The following MAML1 variants were observed in gnomAD, a reference collection of about 807,000 sequenced individuals.
MAML1 encodes the protein mastermind like transcriptional coactivator 1, also known as mastermind-like protein 1.
Under a neutral mutation model 77.1 loss-of-function variants are expected in MAML1, and 14 were observed. The ratio of observed to expected loss-of-function variants is 0.18; its 90% CI spans 0.12 to 0.28. The LOEUF is 0.28. MAML1 is among the 10% of genes least tolerant of loss of function. The pLI, the probability that MAML1 is intolerant of heterozygous loss-of-function variation, is 1.00. For synonymous variants in MAML1, 516 were observed against 551.9 expected (o/e 0.93, Z 0.91); for missense variants, 1,217 against 1,327.8 (o/e 0.92, Z 1.30).
chr5:179,745,454 G>A (rs923689738), intron 1 of MAML1, among the ~76,000 whole-genome samples: 5 of 151,136 alleles, frequency 3.3e-5, no homozygotes, highest in South Asian at 2.1e-4. Flanking sequence ...GGTGGCTCAC[G>A]CCTGTAATCC....
chr5:179,740,091 TGTCA>T (rs1240619550), intron 1 of MAML1, among the ~76,000 whole-genome samples: 1 of 152,214 alleles, frequency 6.6e-6, no homozygotes, highest in African/African-American at 2.4e-5. Flanking sequence ...ATTGAGAGGC[TGTCA>T]GTCAGCTGAA....
chr5:179,764,995 A>AATATATATGTGTG, intron 1 of MAML1, among the ~76,000 whole-genome samples: 1 of 147,682 alleles, frequency 6.8e-6, no homozygotes, highest in Admixed American at 6.8e-5. Flanking sequence ...TAATATATAT[A>AATATATATGTGTG]TGTGTGTGTG....
At position 179,776,442 on chromosome 5, in the gene MAML1, G is replaced by T. The variant is rs918094143; in HGVS notation, c.*1565G>T. 4 of 985,774 alleles carry T rather than the reference G, an allele frequency of 4.1e-6. No individual in the cohort carries two copies. In the African/African-American group the frequency reaches 7.0e-5, roughly 17 times the overall value. The allele number at this position is 985,774 out of a possible 1,614,324, so 61.1% of individuals were successfully genotyped here. A position where few individuals can be genotyped will look rare whatever the true frequency, so the allele number is the denominator to read the frequency against. ...CTCACTGGGGGTACTTGGACCCTCA[G>T]ATCTTCTTTTCTAATAGCCATTTGC... is the stretch of plus-strand genomic sequence containing the variant. On this transcript the variant is annotated 3_prime_UTR_variant, in exon 5 of 5. Transcript: ENST00000292599.
At chr5:179,756,646 C>T (rs758293201) in intron 1 of MAML1, among the ~76,000 whole-genome samples, 2 of 151,944 alleles carry the variant, frequency 1.3e-5, no homozygotes, top group Non-Finnish European at 2.9e-5. Context: ...TAAAATGGTG[C>T]AGATATGTGT....
At chr5:179,762,069 T>G (rs572504596) in intron 1 of MAML1, among the ~76,000 whole-genome samples, 3 of 152,270 alleles carry the variant, frequency 2.0e-5, no homozygotes, top group African/African-American at 7.2e-5. Flanking sequence ...TAAGGAGCAC[T>G]CATGAAAGAA....
chr5:179,768,307 A>T (rs1049146878), intron 2 of MAML1, among the ~76,000 whole-genome samples: 1 of 152,172 alleles, frequency 6.6e-6, no homozygotes, highest in African/African-American at 2.4e-5. Context: ...AAAATACAAA[A>T]TTAGCCAGGT....
intron 1 of MAML1, among the ~76,000 whole-genome samples, chr5:179,760,003 C>T (rs987564851): frequency 2.0e-5 from 3 of 151,980 alleles, no homozygotes; most frequent in Admixed American, 6.6e-5. Flanking sequence ...TGTGACAGGG[C>T]GGCTGGTAGT....
intron 1 of MAML1, among the ~76,000 whole-genome samples, chr5:179,744,021 A>G (rs1051644697): frequency 3.3e-5 from 5 of 152,330 alleles, no homozygotes; most frequent in Middle Eastern, 3.4e-3. Context: ...AACTGTTTAA[A>G]GAATGCTTTA....
chr5:179,736,762 G>T (rs983999995), intron 1 of MAML1, among the ~76,000 whole-genome samples: 18 of 151,382 alleles, frequency 1.2e-4, no homozygotes, highest in African/African-American at 4.4e-4. Flanking sequence ...AGGAGTTCGA[G>T]ACCAGCCTGG....
intron 1 of MAML1, among the ~76,000 whole-genome samples, chr5:179,761,661 C>A (rs1779728639): frequency 6.6e-6 from 1 of 152,138 alleles, no homozygotes; most frequent in Admixed American, 6.5e-5. Context: ...CACCATTGCA[C>A]TCCAGCCTGG....
At chr5:179,764,584 C>T (rs575165094) in intron 1 of MAML1, among the ~76,000 whole-genome samples, 9 of 151,880 alleles carry the variant, frequency 5.9e-5, no homozygotes, top group Admixed American at 5.9e-4. Context: ...GGCTTGAACC[C>T]TGGAGGCGGA....
At chr5:179,745,054 A>G (rs1057452152) in intron 1 of MAML1, among the ~76,000 whole-genome samples, 11 of 151,838 alleles carry the variant, frequency 7.2e-5, no homozygotes, top group African/African-American at 2.4e-4. Context: ...GGCTCCTACC[A>G]CCACGCCCAG....
chr5:179,764,957 G>C, intron 1 of MAML1, among the ~76,000 whole-genome samples: 1 of 150,622 alleles, frequency 6.6e-6, no homozygotes, highest in Middle Eastern at 3.2e-3. Context: ...GCAGAGCAAG[G>C]CTCCATCTCA....
Position 179,774,971 on chromosome 5 carries a change from G to T in MAML1, c.*94G>T. The T allele has an allele frequency of 6.7e-7, 1 of 1,502,460 alleles. No individual in the cohort carries two copies. Among genetic ancestry groups the T allele is most frequent in the Non-Finnish European group, 8.8e-7 (1 of 1,133,980 alleles). 93.1% of individuals were successfully genotyped at this position (1,502,460 alleles called of 1,614,324 possible). A position where few individuals can be genotyped will look rare whatever the true frequency, so the allele number is the denominator to read the frequency against. On this transcript the variant is annotated 3_prime_UTR_variant, in exon 5 of 5. Transcript: ENST00000292599. Reference sequence around the variant, plus strand: ...CAACTACTTTGGACCAAAAGCCCATGGCCTGGGGAGCTGGGCAGGTAGAGC... The same window carrying T: ...CAACTACTTTGGACCAAAAGCCCATTGCCTGGGGAGCTGGGCAGGTAGAGC...
chr5:179,753,370 C>T (rs544307470), intron 1 of MAML1, among the ~76,000 whole-genome samples: 13 of 152,242 alleles, frequency 8.5e-5, no homozygotes, highest in Admixed American at 6.5e-4. Context: ...TATTACCCTC[C>T]GTGCTACGTT....
chr5:179,738,369 A>G (rs1779213673), intron 1 of MAML1, among the ~76,000 whole-genome samples: 1 of 152,184 alleles, frequency 6.6e-6, no homozygotes, highest in Admixed American at 6.5e-5. Context: ...ATGAAATAAC[A>G]AATTATTTCC....
Position 179,766,434 on chromosome 5 carries a change from C to T in MAML1, c.1424C>T (p.Pro475Leu), listed in dbSNP as rs753625572. 10 of 1,612,874 alleles carry T rather than the reference C, an allele frequency of 6.2e-6. No homozygotes were observed. Among genetic ancestry groups the T allele is most frequent in the Non-Finnish European group, 8.5e-6 (10 of 1,179,402 alleles). ...LMMPSVNKSS[P>L]RPGGPYLQPS... is the part of the protein sequence containing the mutation. The stretch of plus-strand genomic sequence containing the variant: ...ATGCCTAGTGTGAATAAGAGTTCCC[C>T]TCGGCCCGGAGGCCCCTACCTCCAG... Residue 475 changes from proline to leucine, a missense_variant, in exon 2 of 5, where the codon CCT becomes CTT. Coordinates refer to ENST00000292599, the MANE Select transcript of MAML1 (RefSeq NM_014757.5). This position sits in a 1 kb window ranked among gnomAD's most constrained non-coding sequence, Gnocchi z 4.0.
At position 179,767,068 on chromosome 5, in the gene MAML1, C is replaced by T. The variant is rs556305331; in HGVS notation, c.1731+327C>T. Among the ~76,000 whole-genome samples the T allele has an allele frequency of 9.6e-5, 14 of 146,438 alleles. No homozygotes were observed. In the East Asian group the frequency reaches 1.6e-3, roughly 17 times the overall value. ...GACTGTGTTTTGCAGATAAACATTACGTTTCACGTGCTTCTTAGAGGCTTG... is the reference window on the plus strand; with the variant it reads ...GACTGTGTTTTGCAGATAAACATTATGTTTCACGTGCTTCTTAGAGGCTTG... On this transcript the variant is annotated intron_variant, in intron 2 of 4. Coordinates refer to ENST00000292599, the MANE Select transcript of MAML1 (RefSeq NM_014757.5).
intron 1 of MAML1, among the ~76,000 whole-genome samples, chr5:179,753,453 G>C (rs1207398469): frequency 6.6e-6 from 1 of 152,074 alleles, no homozygotes; most frequent in Non-Finnish European, 1.5e-5. Context: ...TGGACAAGTA[G>C]ATTCAATTGT....
Sources: allele counts gnomAD v4.1 joint callset (sites outside exome capture counted in the v4.1 genomes callset), GRCh38; gene constraint gnomAD v4.1.1; non-coding constraint Gnocchi (gnomAD v3.1); transcripts MANE v1.5; gene names NCBI Gene and HGNC (gene_info 2026-07-23, HGNC 2026-07-21).